The following TSPAN18 variants were observed in gnomAD, a reference collection of about 807,000 sequenced individuals.
The protein encoded by TSPAN18 is tetraspanin 18.
Under a neutral mutation model 27.3 loss-of-function variants are expected in TSPAN18, and 14 were observed. The observed-to-expected ratio is 0.51, with a 90% CI of 0.34 to 0.80. The LOEUF (loss-of-function observed/expected upper bound fraction) is 0.80. Ranked by LOEUF, TSPAN18 falls within the 30% of genes least tolerant of loss-of-function variation. The probability of loss-of-function intolerance (pLI) is 0.01; values close to 1 mark genes in which losing one functional copy is unlikely to be tolerated. For missense variants in TSPAN18, 268 were observed against 323.9 expected, an observed-to-expected ratio of 0.83 and a Z score of 1.32; for synonymous variants, 143 against 136.5, an observed-to-expected ratio of 1.05 and a Z score of -0.33.
At chr11:44,863,216 C>T (rs1435165410) in intron 3 of TSPAN18, among the ~76,000 whole-genome samples, 3 of 152,182 alleles carry the variant, frequency 2.0e-5, no homozygotes, top group South Asian at 2.1e-4. Context: ...AGGCCAGTTT[C>T]GGACGTTAGA....
At chr11:44,857,942 ACT>A (rs1857780191) in intron 2 of TSPAN18, among the ~76,000 whole-genome samples, 1 of 151,576 alleles carries the variant, frequency 6.6e-6, no homozygotes, top group Admixed American at 6.6e-5. Flanking sequence ...TCTAGTTCAC[ACT>A]CTATTTTAAA....
intron 2 of TSPAN18, among the ~76,000 whole-genome samples, chr11:44,829,057 T>C (rs1221555340): frequency 6.6e-6 from 1 of 152,212 alleles, no homozygotes; most frequent in Non-Finnish European, 1.5e-5. Context: ...AAAATTTAGG[T>C]TTACAAACAA....
chr11:44,925,949 ATCTC>A (rs373674670), intron 8 of TSPAN18: 2 of 152,096 alleles, frequency 1.3e-5, no homozygotes, highest in African/African-American at 4.8e-5. Flanking sequence ...GCTTTTTCCT[ATCTC>A]TATCTATCTA....
chr11:44,760,922 A>AT (rs1380802477), intron 1 of TSPAN18, among the ~76,000 whole-genome samples: 1 of 152,146 alleles, frequency 6.6e-6, no homozygotes, highest in Non-Finnish European at 1.5e-5. Context: ...TTATGGTGTC[A>AT]TTATAATCCA....
chr11:44,729,422 C>G (rs1180485471), intron 1 of TSPAN18, among the ~76,000 whole-genome samples: 1 of 152,152 alleles, frequency 6.6e-6, no homozygotes, highest in Non-Finnish European at 1.5e-5. Context: ...TACCCCCACC[C>G]CACTTTTCCT....
At chr11:44,885,771 C>T (rs1199717304) in intron 3 of TSPAN18, 1 of 152,254 alleles carries the variant, frequency 6.6e-6, no homozygotes, top group Non-Finnish European at 1.5e-5. Flanking sequence ...CACGGTCTCT[C>T]TGTCTTCCGG....
chr11:44,854,827 C>T (rs1857694324), intron 2 of TSPAN18, among the ~76,000 whole-genome samples: 1 of 152,160 alleles, frequency 6.6e-6, no homozygotes, highest in Admixed American at 6.5e-5. Context: ...AAAAACTGAG[C>T]TTGGAGGCCT....
intron 4 of TSPAN18, 90 bp from the exon 5 acceptor site, chr11:44,909,615 T>C (rs1219504655): frequency 2.1e-6 from 3 of 1,397,886 alleles, no homozygotes; most frequent in Non-Finnish European, 2.9e-6. Flanking sequence ...CCTCTGACCC[T>C]GGGGCTGGCT....
At chr11:44,834,758 T>C (rs2135151617) in intron 2 of TSPAN18, among the ~76,000 whole-genome samples, 1 of 152,298 alleles carries the variant, frequency 6.6e-6, no homozygotes, top group Non-Finnish European at 1.5e-5. Context: ...CAAAGCACTG[T>C]TGTTAAATGG....
At chr11:44,870,755 CTT>C (rs1858171994) in intron 3 of TSPAN18, among the ~76,000 whole-genome samples, 1 of 152,152 alleles carries the variant, frequency 6.6e-6, no homozygotes, top group African/African-American at 2.4e-5. Context: ...AACCCCACGT[CTT>C]TTTTATTTCA....
intron 2 of TSPAN18, among the ~76,000 whole-genome samples, chr11:44,837,141 G>T (rs1035555817): frequency 6.6e-6 from 1 of 152,240 alleles, no homozygotes; most frequent in African/African-American, 2.4e-5. Context: ...TCTGGGCAAA[G>T]TATATTGAAA....
chr11:44,727,297 T>A lies in TSPAN18; in HGVS notation c.-240+10T>A, dbSNP rs1854538688. 1 of 151,398 alleles carries A rather than the reference T, an allele frequency of 6.6e-6. No individual in the cohort carries two copies. The highest frequency in any genetic ancestry group is 1.5e-5 in the Non-Finnish European group (1 of 67,870). 9.4% of individuals were successfully genotyped at this position (151,398 alleles called of 1,614,324 possible). A position where few individuals can be genotyped will look rare whatever the true frequency, so the allele number is the denominator to read the frequency against. Reference sequence around the variant, plus strand: ...CAGCCGCCGCTGGAAGGTATGGGGCTCCGCACCTCCGTGCCCTCCGCACGC... The same window carrying A: ...CAGCCGCCGCTGGAAGGTATGGGGCACCGCACCTCCGTGCCCTCCGCACGC... On this transcript the variant is annotated intron_variant, in intron 1 of 9. Coordinates refer to ENST00000520358, the MANE Select transcript of TSPAN18 (RefSeq NM_130783.5).
At chr11:44,830,077 A>C (rs1857124290) in intron 2 of TSPAN18, among the ~76,000 whole-genome samples, 1 of 152,134 alleles carries the variant, frequency 6.6e-6, no homozygotes, top group South Asian at 2.1e-4. Flanking sequence ...TCCTTCCCCT[A>C]GCCCACTCCA....
At chr11:44,845,310 T>C (rs1857458023) in intron 2 of TSPAN18, among the ~76,000 whole-genome samples, 1 of 152,216 alleles carries the variant, frequency 6.6e-6, no homozygotes, top group African/African-American at 2.4e-5. Context: ...GTAAGATGGA[T>C]TTAATGAGAC....
intron 3 of TSPAN18, among the ~76,000 whole-genome samples, chr11:44,875,277 G>C (rs758107467): frequency 3.9e-5 from 6 of 152,248 alleles, no homozygotes; most frequent in Non-Finnish European, 7.3e-5. Flanking sequence ...TAGGCAAGCA[G>C]CAGAGGGCTT....
At chr11:44,762,187 T>G (rs965150747) in intron 1 of TSPAN18, among the ~76,000 whole-genome samples, 1 of 152,194 alleles carries the variant, frequency 6.6e-6, no homozygotes, top group African/African-American at 2.4e-5. Flanking sequence ...AAGGGGTCAT[T>G]GCAGCAAGGC....
chr11:44,817,677 A>T (rs1340947411), intron 2 of TSPAN18, among the ~76,000 whole-genome samples: 1 of 152,226 alleles, frequency 6.6e-6, no homozygotes, highest in Non-Finnish European at 1.5e-5. Flanking sequence ...AGGGGTGGAC[A>T]GTCACTCCAC....
chr11:44,803,516 C>T (rs704666), intron 2 of TSPAN18, among the ~76,000 whole-genome samples: 81,162 of 151,934 alleles, frequency 0.53, 22,473 homozygotes, highest in East Asian at 0.92. Flanking sequence ...AGGTTTTGGA[C>T]CAGGCCAGTG....
intron 2 of TSPAN18, among the ~76,000 whole-genome samples, chr11:44,800,108 C>T (rs962243137): frequency 4.6e-5 from 7 of 150,634 alleles, no homozygotes; most frequent in Admixed American, 1.3e-4. Context: ...CCACCTGCCT[C>T]GGCCTCCCAA....
Sources: allele counts gnomAD v4.1 joint callset (sites outside exome capture counted in the v4.1 genomes callset), GRCh38; gene constraint gnomAD v4.1.1; transcripts MANE v1.5; gene names NCBI Gene and HGNC (gene_info 2026-07-23, HGNC 2026-07-21).